Variants in MTREX observed in about 807,000 individuals in gnomAD.
MTREX encodes the protein exosome RNA helicase MTR4.
MTREX carries 76 observed loss-of-function variants against 135.4 expected under a neutral mutation model. The ratio of observed to expected loss-of-function variants is 0.56; its 90% CI spans 0.47 to 0.68. The LOEUF (loss-of-function observed/expected upper bound fraction) is 0.68. Ranked by LOEUF, MTREX falls within the 30% of genes least tolerant of loss-of-function variation. The pLI is 0.00. For synonymous variants in MTREX, 404 were observed against 401.6 expected, an observed-to-expected ratio of 1.01 and a Z score of -0.07; for missense variants, 920 against 1,262.1, an observed-to-expected ratio of 0.73 and a Z score of 4.11.
At chr5:55,395,069 T>C (rs959086942) in intron 19 of MTREX, among the ~76,000 whole-genome samples, 1 of 146,586 alleles carries the variant, frequency 6.8e-6, no homozygotes, top group South Asian at 2.2e-4. Flanking sequence ...TATAACCATA[T>C]GAAAATAAAA....
chr5:55,342,325 A>G (rs1441377979), intron 7 of MTREX, among the ~76,000 whole-genome samples: 1 of 152,250 alleles, frequency 6.6e-6, no homozygotes, highest in Non-Finnish European at 1.5e-5. Context: ...AAAGCAAAAG[A>G]AATTAAAAGA....
intron 5 of MTREX, among the ~76,000 whole-genome samples, chr5:55,334,946 C>T (rs1749531506): frequency 6.6e-6 from 1 of 151,990 alleles, no homozygotes; most frequent in African/African-American, 2.4e-5. Flanking sequence ...TGTGGCTGTA[C>T]CATTTTATAT....
At chr5:55,381,646 A>G (rs1287138126) in intron 18 of MTREX, among the ~76,000 whole-genome samples, 3 of 152,142 alleles carry the variant, frequency 2.0e-5, no homozygotes, top group Non-Finnish European at 4.4e-5. Flanking sequence ...GAATTGTTCT[A>G]AGTTTGCTTA....
intron 14 of MTREX, among the ~76,000 whole-genome samples, chr5:55,357,793 A>G (rs1490419455): frequency 6.6e-6 from 1 of 152,150 alleles, no homozygotes; most frequent in African/African-American, 2.4e-5. Flanking sequence ...AACTTTGTCC[A>G]GTGTTGAAGT....
At chr5:55,407,734 A>G (rs772654243) in intron 22 of MTREX, among the ~76,000 whole-genome samples, 37 of 152,018 alleles carry the variant, frequency 2.4e-4, no homozygotes, top group African/African-American at 7.2e-4. Flanking sequence ...TTCAAAACCC[A>G]AAGCACAAAT....
intron 22 of MTREX, 47 bp downstream of exon 22, chr5:55,405,635 T>C: frequency 6.7e-7 from 1 of 1,495,516 alleles, no homozygotes. Context: ...TTTTTCATTT[T>C]TAATTTTAAT....
chr5:55,358,573 A>T lies in MTREX; in HGVS notation c.1534A>T (p.Ile512Phe). Residue 512 changes from isoleucine to phenylalanine, a missense_variant and splice_region_variant, in exon 15 of 27, where the codon ATT becomes TTT. By Grantham distance (21) the Ile-to-Phe change is conservative. Transcript: ENST00000230640. ...RKFDGKDFRW[I>F]SSGEYIQMSG... ...CTGAATTTTAACTATGTTCATTCAG[A>T]TTTCTTCTGGTGAATACATTCAGAT... is the stretch of plus-strand genomic sequence containing the variant. 1 of 1,592,792 alleles carries T rather than the reference A, an allele frequency of 6.3e-7. No homozygotes were observed. The highest frequency in any genetic ancestry group is 8.5e-7 in the Non-Finnish European group (1 of 1,174,662).
chr5:55,357,665 A>T (rs1749942593), intron 14 of MTREX: 1 of 152,344 alleles, frequency 6.6e-6, no homozygotes, highest in Non-Finnish European at 1.5e-5. Context: ...GACTGCCACC[A>T]CCATCCTCAG....
At chr5:55,384,882 A>G (rs1750453087) in intron 18 of MTREX, among the ~76,000 whole-genome samples, 1 of 152,154 alleles carries the variant, frequency 6.6e-6, no homozygotes, top group Non-Finnish European at 1.5e-5. Flanking sequence ...CTCTGTTAGC[A>G]GGAGGGCTCC....
Position 55,329,875 on chromosome 5 carries a change from G to A in MTREX, c.515+1064G>A, listed in dbSNP as rs1258104478. ...TTTTGCATTTTTTTCTTGTCTTTGG[G>A]TTTGTTTTTGCAGTCCTCAGGGCTC... On this transcript the variant is annotated intron_variant, in intron 5 of 26. Transcript: ENST00000230640. Among the ~76,000 whole-genome samples, 3 of 151,826 alleles carry A rather than the reference G, an allele frequency of 2.0e-5. No homozygotes were observed. In the South Asian group the frequency reaches 6.2e-4, roughly 32 times the overall value.
chr5:55,397,576 A>G (rs1176334931), intron 20 of MTREX, 50 bp downstream of exon 20: 1 of 1,157,376 alleles, frequency 8.6e-7, no homozygotes, highest in Non-Finnish European at 1.2e-6. Flanking sequence ...AAATACAGGT[A>G]GTGTTTATAA....
At chr5:55,344,191 C>T (rs113489790) in intron 8 of MTREX, among the ~76,000 whole-genome samples, 22 of 152,142 alleles carry the variant, frequency 1.4e-4, no homozygotes, top group African/African-American at 3.1e-4. Flanking sequence ...TTCATGGATC[C>T]TTTGTATCAC....
chr5:55,308,495 G>T (rs1165735796), intron 1 of MTREX, among the ~76,000 whole-genome samples: 1 of 152,060 alleles, frequency 6.6e-6, no homozygotes, highest in African/African-American at 2.4e-5. Flanking sequence ...AGGTGAAAAG[G>T]TTTAGAAAAA....
chr5:55,318,686 A>G (rs1478756573), intron 1 of MTREX, among the ~76,000 whole-genome samples: 1 of 152,176 alleles, frequency 6.6e-6, no homozygotes, highest in Admixed American at 6.6e-5. Flanking sequence ...TATCTAGATG[A>G]TGAAATAATA....
intron 1 of MTREX, among the ~76,000 whole-genome samples, chr5:55,321,898 G>A (rs1486870344): frequency 5.3e-5 from 8 of 151,956 alleles, no homozygotes; most frequent in Admixed American, 4.6e-4. Context: ...ATGAGCCACC[G>A]TGCCCGGCTC....
rs1751153121 is a variant in MTREX, at chr5:55,425,362, A to G, written c.*590A>G. On this transcript the variant is annotated 3_prime_UTR_variant, in exon 27 of 27. Coordinates refer to ENST00000230640, the MANE Select transcript of MTREX (RefSeq NM_015360.5). ...ACAGTGCAAAATATTTAATGGTATA[A>G]TTTAGATCAAGTTAAAAACTACATA... 1 of 1,549,646 alleles carries G rather than the reference A, an allele frequency of 6.5e-7. No individual in the cohort carries two copies. The highest frequency in any genetic ancestry group is 1.9e-5 in the Admixed American group (1 of 52,522).
chr5:55,327,855 T>C, intron 4 of MTREX, 77 bp downstream of exon 4: 2 of 1,104,914 alleles, frequency 1.8e-6, no homozygotes, highest in Non-Finnish European at 2.7e-6. Flanking sequence ...TCAAATGAGA[T>C]TTTTATATTT....
At position 55,322,396 on chromosome 5, in the gene MTREX, C is replaced by T. The variant is rs752527236; in HGVS notation, c.204C>T (p.Phe68=). The T allele has an allele frequency of 8.7e-6, 14 of 1,608,686 alleles. No individual in the cohort carries two copies. Among genetic ancestry groups the T allele is most frequent in the Middle Eastern group, 1.6e-4 (1 of 6,074 alleles). The change falls in exon 2 of 27, where the codon TTC becomes TTT. Residue 68 remains phenylalanine, a synonymous_variant. Coordinates refer to ENST00000230640, the MANE Select transcript of MTREX (RefSeq NM_015360.5). Reference sequence around the variant, plus strand: ...GAAAAAATAAGAGAGATGTAGATTTCGAAGGTACAGATGAACCCATTTTTG... The same window carrying T: ...GAAAAAATAAGAGAGATGTAGATTTTGAAGGTACAGATGAACCCATTTTTG... ...NNGKNKRDVD[F]EGTDEPIFGK...
At position 55,374,264 on chromosome 5, in the gene MTREX, TTA is replaced by T. The variant is rs763872215; in HGVS notation, c.1811-4029_1811-4028del. On this transcript the variant is annotated intron_variant, in intron 16 of 26. Transcript: ENST00000230640. ...GGAGCAAGACTGTCTCAAAAAACAT[TTA>T]TATATATATATATATATATAAACAA... Among the ~76,000 whole-genome samples, 1,380 of 139,582 alleles carry T rather than the reference TTA, an allele frequency of 9.9e-3. 19 individuals carry two copies. Among genetic ancestry groups the T allele is most frequent in the African/African-American group, 0.035 (1,302 of 37,638 alleles). 91.6% of individuals were successfully genotyped at this position (139,582 alleles called of 152,430 possible). A position where few individuals can be genotyped will look rare whatever the true frequency, so the allele number is the denominator to read the frequency against.
Sources: allele counts gnomAD v4.1 joint callset (sites outside exome capture counted in the v4.1 genomes callset), GRCh38; gene constraint gnomAD v4.1.1; transcripts MANE v1.5; gene names NCBI Gene and HGNC (gene_info 2026-07-23, HGNC 2026-07-21).